CTIF: variants seen among roughly 807,000 people sequenced by gnomAD.
CTIF encodes CBP80/20-dependent translation initiation factor.
A neutral mutation model predicts 66.0 loss-of-function variants in CTIF; 21 were observed. The ratio of observed to expected loss-of-function variants is 0.32; its 90% CI spans 0.23 to 0.46. The LOEUF is 0.46. Among genes scored for constraint, CTIF ranks in the 20% least tolerant of loss-of-function variants. The probability of loss-of-function intolerance (pLI) is 1.00; values close to 1 mark genes in which losing one functional copy is unlikely to be tolerated. For missense variants in CTIF, 739 were observed against 812.7 expected, an observed-to-expected ratio of 0.91 and a Z score of 1.10; for synonymous variants, 345 against 326.4, an observed-to-expected ratio of 1.06 and a Z score of -0.62.
chr18:48,728,209 C>G (rs1598934834), intron 7 of CTIF, among the ~76,000 whole-genome samples: 1 of 152,298 alleles, frequency 6.6e-6, no homozygotes, highest in East Asian at 1.9e-4. Context: ...AAGCCCCCAT[C>G]ACCAGTCTCC....
chr18:48,609,668 G>C (rs1046560850), intron 1 of CTIF, among the ~76,000 whole-genome samples: 4 of 152,306 alleles, frequency 2.6e-5, no homozygotes, highest in South Asian at 2.1e-4. Context: ...TTTACGAGTG[G>C]GGGCAGTGAG....
chr18:48,674,919 G>A (rs2091599495), intron 6 of CTIF, among the ~76,000 whole-genome samples: 1 of 152,212 alleles, frequency 6.6e-6, no homozygotes, highest in South Asian at 2.1e-4. Context: ...CAGGTACGCT[G>A]GGATAGGAGC....
rs1381322293 is a variant in CTIF at position 48,761,052 on chromosome 18, T to C, written c.1072-338T>C. ...GCCCGATTTCATATTTGTTATCTTA[T>C]TTCCTCTTTCATAATTTCCATTAAA... On this transcript the variant is annotated intron_variant, in intron 8 of 11. Transcript: ENST00000256413. The surrounding 1 kb of genome is among the most constrained non-coding windows in gnomAD (Gnocchi z 4.2). 4.9e-6 allele frequency: 1 copy of C among 204,844 alleles called. No individual in the cohort carries two copies. The highest frequency in any genetic ancestry group is 9.7e-6 in the Non-Finnish European group (1 of 102,758). 12.7% of individuals were successfully genotyped at this position (204,844 alleles called of 1,614,324 possible).
chr18:48,685,168 G>A (rs934747108), intron 6 of CTIF, among the ~76,000 whole-genome samples: 3 of 151,390 alleles, frequency 2.0e-5, no homozygotes, highest in Admixed American at 2.0e-4. Flanking sequence ...CAGTTATTGT[G>A]TAGAATGTCT....
At chr18:48,641,823 C>T (rs1000323885) in intron 3 of CTIF, among the ~76,000 whole-genome samples, 1 of 152,216 alleles carries the variant, frequency 6.6e-6, no homozygotes, top group East Asian at 1.9e-4. Context: ...TGTTCCCCAT[C>T]CCCTGATACC....
chr18:48,662,856 G>A (rs1400206139), intron 3 of CTIF, among the ~76,000 whole-genome samples: 1 of 152,098 alleles, frequency 6.6e-6, no homozygotes, highest in African/African-American at 2.4e-5. Flanking sequence ...TCACTGCGGT[G>A]TGATACTCCA....
chr18:48,751,953 A>G (rs1907861460), intron 7 of CTIF, among the ~76,000 whole-genome samples: 1 of 73,468 alleles, frequency 1.4e-5, no homozygotes, highest in Non-Finnish European at 2.7e-5. Flanking sequence ...TTATTCATTC[A>G]TTCATTCATT....
At chr18:48,552,327 G>C (rs1235393898) in intron 1 of CTIF, among the ~76,000 whole-genome samples, 1 of 152,230 alleles carries the variant, frequency 6.6e-6, no homozygotes, top group East Asian at 1.9e-4. Context: ...TCTCTGAACT[G>C]TGCCCTCTTG....
chr18:48,755,366 G>A (rs1908249599), intron 7 of CTIF, among the ~76,000 whole-genome samples: 1 of 152,212 alleles, frequency 6.6e-6, no homozygotes, highest in South Asian at 2.1e-4. Context: ...CTTTCCAATG[G>A]GGGTTGCCTT....
intron 1 of CTIF, among the ~76,000 whole-genome samples, chr18:48,584,625 C>G (rs1012890791): frequency 5.9e-5 from 9 of 152,146 alleles, no homozygotes; most frequent in African/African-American, 2.2e-4. Context: ...TGGTGACTTG[C>G]CCAGGCCATC....
intron 1 of CTIF, among the ~76,000 whole-genome samples, chr18:48,579,799 G>A (rs2089613809): frequency 6.6e-6 from 1 of 152,214 alleles, no homozygotes; most frequent in African/African-American, 2.4e-5. Flanking sequence ...TGAAGGAGGA[G>A]CTGCATGGGA....
At chr18:48,850,910 G>C (rs1211601088) in intron 10 of CTIF, among the ~76,000 whole-genome samples, 1 of 152,256 alleles carries the variant, frequency 6.6e-6, no homozygotes, top group Non-Finnish European at 1.5e-5. Context: ...CAGCCACCAA[G>C]GCCCTTCCTG....
At chr18:48,781,529 G>A (rs985713142) in intron 9 of CTIF, among the ~76,000 whole-genome samples, 4 of 152,172 alleles carry the variant, frequency 2.6e-5, no homozygotes, top group African/African-American at 4.8e-5. Flanking sequence ...ATCTGCATGC[G>A]TCTGCCGGCG....
intron 7 of CTIF, among the ~76,000 whole-genome samples, chr18:48,749,519 C>T (rs1230652016): frequency 6.6e-6 from 1 of 152,204 alleles, no homozygotes; most frequent in African/African-American, 2.4e-5. Context: ...CCCATCTGTA[C>T]TATGGGTGCA....
At chr18:48,668,709 A>G (rs1055294500) in intron 5 of CTIF, among the ~76,000 whole-genome samples, 1 of 151,870 alleles carries the variant, frequency 6.6e-6, no homozygotes, top group East Asian at 1.9e-4. Flanking sequence ...AGCCTGGGAC[A>G]TCCTCCCAAA....
chr18:48,609,982 C>T (rs890945433), intron 1 of CTIF, among the ~76,000 whole-genome samples: 4 of 152,040 alleles, frequency 2.6e-5, no homozygotes, highest in African/African-American at 9.7e-5. Context: ...GGAGGAAAGC[C>T]CGGGCCCATT....
intron 6 of CTIF, among the ~76,000 whole-genome samples, chr18:48,703,066 C>G (rs1430092764): frequency 2.0e-5 from 3 of 152,090 alleles, no homozygotes; most frequent in African/African-American, 7.2e-5. Flanking sequence ...GGATGTCTAC[C>G]CAGGTTGGGG....
At chr18:48,798,617 G>A (rs941460970) in intron 9 of CTIF, among the ~76,000 whole-genome samples, 5 of 152,162 alleles carry the variant, frequency 3.3e-5, no homozygotes, top group East Asian at 3.8e-4. Context: ...AGGCAGTTTC[G>A]GGGTGCACCC....
intron 9 of CTIF, among the ~76,000 whole-genome samples, chr18:48,794,809 TC>T (rs1292603321): frequency 1.3e-5 from 2 of 151,986 alleles, no homozygotes; most frequent in East Asian, 3.9e-4. Context: ...GGATCTTCCT[TC>T]CCCCAGGCCC....
Sources: gnomAD v4.1 joint callset for allele counts (sites outside exome capture counted in the v4.1 genomes callset) on GRCh38, gnomAD v4.1.1 for gene constraint, Gnocchi (gnomAD v3.1) non-coding constraint, MANE v1.5 for transcripts, NCBI Gene and HGNC (gene_info 2026-07-23, HGNC 2026-07-21) for gene names.